Variants in DOCK1 observed in about 807,000 individuals in gnomAD.
The protein encoded by DOCK1 is dedicator of cytokinesis 1, also known as dedicator of cytokinesis protein 1.
A neutral mutation model predicts 262.7 loss-of-function variants in DOCK1; 138 were observed. The observed-to-expected ratio is 0.53, with a 90% confidence interval of 0.46 to 0.61. The LOEUF (loss-of-function observed/expected upper bound fraction) is 0.61, where lower values mean the gene tolerates loss of function less well. Ranked by LOEUF, DOCK1 falls within the 20% of genes least tolerant of loss-of-function variation. DOCK1 has a pLI of 0.00. For missense variants in DOCK1, 1,908 were observed against 2,370.7 expected, an observed-to-expected ratio of 0.80 and a Z score of 4.05; for synonymous variants, 866 against 867.4, an observed-to-expected ratio of 1.00 and a Z score of 0.03.
intron 29 of DOCK1, among the ~76,000 whole-genome samples, chr10:127,287,908 A>G (rs2061216956): frequency 6.6e-6 from 1 of 152,224 alleles, no homozygotes. Flanking sequence ...TGGAGTTAAA[A>G]AAATCCTTAC....
At chr10:127,409,212 C>T (rs1000039275) in intron 41 of DOCK1, 34 bp downstream of exon 41, 1 of 1,612,436 alleles carries the variant, frequency 6.2e-7, no homozygotes, top group African/African-American at 1.3e-5. Flanking sequence ...AACTCTGAAA[C>T]CATGGTGATG....
At chr10:127,282,102 C>T (rs2060981755) in intron 29 of DOCK1, among the ~76,000 whole-genome samples, 1 of 152,188 alleles carries the variant, frequency 6.6e-6, no homozygotes, top group African/African-American at 2.4e-5. Flanking sequence ...TCCTGGGCCA[C>T]ATGTGACCTG....
chr10:127,383,567 AGCCATACAGG>A (rs1176251603), intron 37 of DOCK1, among the ~76,000 whole-genome samples: 1 of 152,248 alleles, frequency 6.6e-6, no homozygotes, highest in Non-Finnish European at 1.5e-5. Flanking sequence ...GGAAAGGCAG[AGCCATACAGG>A]GCCCGTGCCC....
Position 126,952,448 on chromosome 10 carries a change from GTGA to G in DOCK1, c.47-18251_47-18249del, listed in dbSNP as rs1170453480. 4.6e-5 allele frequency among the ~76,000 whole-genome samples: 7 copies of G among 151,486 alleles called. No homozygotes were observed. In the East Asian group the frequency reaches 5.8e-4, roughly 13 times the overall value. On this transcript the variant is annotated intron_variant, in intron 1 of 51. Coordinates refer to ENST00000623213, the MANE Select transcript of DOCK1 (RefSeq NM_001290223.2). ...GATGTTATTCTTGGTAGTATTGTTG[GTGA>G]TGGTGGTGGTGGTAGTATTGGTGGT...
rs771387854 is a variant in DOCK1, at chr10:127,236,500, GTTTTTT to G, written c.2848-11488_2848-11483del. Among the ~76,000 whole-genome samples, 443 of 66,804 alleles carry G rather than the reference GTTTTTT, an allele frequency of 6.6e-3. 4 individuals are homozygous for G. The highest frequency in any genetic ancestry group is 0.025 in the African/African-American group (433 of 17,200). The allele number at this position is 66,804 out of a possible 152,430, so 43.8% of individuals were successfully genotyped here. ...TGCACATTGATCCTTCTTGACACGG[GTTTTTT>G]TTTTTTTTTTTTTTTTTTTGAAATC... is the stretch of plus-strand genomic sequence containing the variant. On this transcript the variant is annotated intron_variant, in intron 27 of 51. Transcript: ENST00000623213.
At chr10:127,112,857 A>G (rs2048949660) in intron 25 of DOCK1, among the ~76,000 whole-genome samples, 1 of 152,190 alleles carries the variant, frequency 6.6e-6, no homozygotes, top group South Asian at 2.1e-4. Flanking sequence ...TGCTTTGGCC[A>G]ACGTGAAAAT....
chr10:127,327,550 G>T (rs1417241107), intron 29 of DOCK1, among the ~76,000 whole-genome samples: 1 of 152,174 alleles, frequency 6.6e-6, no homozygotes, highest in Non-Finnish European at 1.5e-5. Context: ...TGGCTGGTTG[G>T]ATCTTCTATT....
Position 127,395,642 on chromosome 10 carries a change from C to T in DOCK1, c.3928-7413C>T, listed in dbSNP as rs61216161. ...ATTTTCCTCTTTTCAGGGGGTAATTCTGGCAACATGGTGGCAGCAGACTTA... is the reference window on the plus strand; with the variant it reads ...ATTTTCCTCTTTTCAGGGGGTAATTTTGGCAACATGGTGGCAGCAGACTTA... On this transcript the variant is annotated intron_variant, in intron 38 of 51. Coordinates refer to ENST00000623213, the MANE Select transcript of DOCK1 (RefSeq NM_001290223.2). Among the ~76,000 whole-genome samples, 400 of 152,232 alleles carry T rather than the reference C, an allele frequency of 2.6e-3. 5 individuals are homozygous for T. Among genetic ancestry groups the T allele is most frequent in the Admixed American group, 0.02 (300 of 15,298 alleles).
intron 12 of DOCK1, among the ~76,000 whole-genome samples, chr10:127,015,375 CA>C (rs2041793207): frequency 6.6e-6 from 1 of 152,074 alleles, no homozygotes; most frequent in South Asian, 2.1e-4. Flanking sequence ...CGTCTCCCAC[CA>C]GGAGCCCTGT....
chr10:127,181,903 T>G (rs1265627090), intron 27 of DOCK1, among the ~76,000 whole-genome samples: 1 of 152,238 alleles, frequency 6.6e-6, no homozygotes, highest in African/African-American at 2.4e-5. Context: ...CCATAGATGG[T>G]GGACTGTGTC....
In DOCK1 at chr10:127,434,656, C is replaced by CT. The variant is rs34630603; in HGVS notation, c.5060+1243dup. Among the ~76,000 whole-genome samples the CT allele has an allele frequency of 8.1e-3, 1,167 of 143,318 alleles. 10 individuals are homozygous for CT. Among genetic ancestry groups the CT allele is most frequent in the African/African-American group, 0.022 (865 of 39,288 alleles). 94.0% of individuals were successfully genotyped at this position (143,318 alleles called of 152,430 possible). A position where few individuals can be genotyped will look rare whatever the true frequency, so the allele number is the denominator to read the frequency against. On this transcript the variant is annotated intron_variant, in intron 48 of 51. Transcript: ENST00000623213. ...CTGACACCCTGACAATGTCTACTTT[C>CT]TTTTTTTTTTTTTTTGAGACGGAGT...
At chr10:127,354,220 CAT>C (rs1349396180) in intron 31 of DOCK1, among the ~76,000 whole-genome samples, 2 of 152,122 alleles carry the variant, frequency 1.3e-5, no homozygotes, top group Non-Finnish European at 2.9e-5. Flanking sequence ...TTTAAAATGA[CAT>C]AGAGGAATGC....
chr10:127,017,398 GAC>G (rs1221936271), intron 12 of DOCK1, among the ~76,000 whole-genome samples: 2 of 151,642 alleles, frequency 1.3e-5, no homozygotes, highest in South Asian at 2.1e-4. Context: ...TACAGATACA[GAC>G]ACAGACATAC....
At chr10:127,201,884 C>G (rs1341735339) in intron 27 of DOCK1, among the ~76,000 whole-genome samples, 1 of 152,168 alleles carries the variant, frequency 6.6e-6, no homozygotes, top group Non-Finnish European at 1.5e-5. Flanking sequence ...CACTGGGGAG[C>G]CAACCTCTTC....
At chr10:126,918,733 C>T (rs1036856060) in intron 1 of DOCK1, among the ~76,000 whole-genome samples, 4 of 152,144 alleles carry the variant, frequency 2.6e-5, no homozygotes, top group Admixed American at 6.5e-5. Context: ...GTAAGTGGGG[C>T]GGGATGGCCT....
intron 23 of DOCK1, among the ~76,000 whole-genome samples, chr10:127,072,598 T>C (rs950031669): frequency 6.6e-6 from 1 of 152,194 alleles, no homozygotes; most frequent in African/African-American, 2.4e-5. Flanking sequence ...GGATATGTAA[T>C]ACAGCAGAGG....
chr10:127,037,350 C>T (rs899735937), intron 18 of DOCK1, among the ~76,000 whole-genome samples: 1 of 152,172 alleles, frequency 6.6e-6, no homozygotes, highest in African/African-American at 2.4e-5. Flanking sequence ...GAGAAACAAA[C>T]CATTTGGTAT....
chr10:127,220,873 T>C (rs1164825916), intron 27 of DOCK1, among the ~76,000 whole-genome samples: 1 of 152,178 alleles, frequency 6.6e-6, no homozygotes, highest in Non-Finnish European at 1.5e-5. Context: ...TTAAATGGCC[T>C]CCACTTCACA....
intron 23 of DOCK1, among the ~76,000 whole-genome samples, chr10:127,083,164 G>A (rs185652360): frequency 1.3e-5 from 2 of 152,334 alleles, no homozygotes; most frequent in East Asian, 3.9e-4. Context: ...CTCTAGCAGG[G>A]CAATGCTCTT....
Sources: gnomAD v4.1 joint callset for allele counts (sites outside exome capture counted in the v4.1 genomes callset) on GRCh38, gnomAD v4.1.1 for gene constraint, MANE v1.5 for transcripts, NCBI Gene and HGNC (gene_info 2026-07-23, HGNC 2026-07-21) for gene names.